USP24: variants seen among roughly 807,000 people sequenced by gnomAD.
USP24 encodes ubiquitin specific peptidase 24, also known as ubiquitin carboxyl-terminal hydrolase 24.
USP24 carries 97 observed loss-of-function variants against 361.6 expected under a neutral mutation model. The ratio of observed to expected loss-of-function variants is 0.27; its 90% CI spans 0.23 to 0.32. USP24 has a LOEUF of 0.32. Among genes scored for constraint, USP24 ranks in the 10% least tolerant of loss-of-function variants. The pLI is 1.00. For synonymous variants in USP24, 1,098 were observed against 1,124.6 expected, an observed-to-expected ratio of 0.98 and a Z score of 0.47; for missense variants, 2,353 against 3,165.6, an observed-to-expected ratio of 0.74 and a Z score of 6.16.
chr1:55,184,111 C>A (rs1439250618), intron 1 of USP24, among the ~76,000 whole-genome samples: 1 of 152,148 alleles, frequency 6.6e-6, no homozygotes, highest in African/African-American at 2.4e-5. Context: ...GGCTGGAGTG[C>A]AGTGGCGTAA....
intron 45 of USP24, 49 bp from the exon 46 acceptor site, chr1:55,098,607 G>T: frequency 7.6e-7 from 1 of 1,321,426 alleles, no homozygotes; most frequent in Non-Finnish European, 1.1e-6. Context: ...CTGAACTTAT[G>T]AGTATACAGA....
At chr1:55,196,585 A>G (rs1243489370) in intron 1 of USP24, among the ~76,000 whole-genome samples, 1 of 152,178 alleles carries the variant, frequency 6.6e-6, no homozygotes, top group East Asian at 1.9e-4. Context: ...TCTAAGTTGA[A>G]GAGTCACATT....
intron 40 of USP24, among the ~76,000 whole-genome samples, chr1:55,106,775 T>C (rs1645785394): frequency 6.6e-6 from 1 of 152,208 alleles, no homozygotes; most frequent in African/African-American, 2.4e-5. Context: ...TTTTCATTTG[T>C]CTTCTGAATA....
chr1:55,175,003 A>G (rs1392932471), intron 3 of USP24, among the ~76,000 whole-genome samples: 1 of 152,170 alleles, frequency 6.6e-6, no homozygotes, highest in Non-Finnish European at 1.5e-5. Context: ...CTGATGGATG[A>G]GCTAATCTAA....
intron 47 of USP24, 112 bp downstream of exon 47, chr1:55,097,831 C>T: frequency 6.6e-7 from 1 of 1,508,810 alleles, no homozygotes; most frequent in Non-Finnish European, 8.9e-7. Flanking sequence ...CAAGTAATGA[C>T]ACAATCTAAT....
At chr1:55,212,495 C>T (rs1429115825) in intron 1 of USP24, among the ~76,000 whole-genome samples, 1 of 152,132 alleles carries the variant, frequency 6.6e-6, no homozygotes, top group Non-Finnish European at 1.5e-5. Context: ...AACTGTATAA[C>T]GCACCTAAGA....
intron 20 of USP24, among the ~76,000 whole-genome samples, chr1:55,144,446 G>A (rs1646974671): frequency 6.6e-6 from 1 of 152,138 alleles, no homozygotes; most frequent in Admixed American, 6.5e-5. Flanking sequence ...GAAAATACTT[G>A]CAAATCAACT....
chr1:55,093,034 A>G, intron 52 of USP24, 118 bp from the exon 53 acceptor site: 1 of 616,862 alleles, frequency 1.6e-6, no homozygotes, highest in Non-Finnish European at 2.6e-6. Flanking sequence ...GTGAATTATA[A>G]TTTATAATTC....
intron 32 of USP24, among the ~76,000 whole-genome samples, chr1:55,128,946 T>C (rs1646516389): frequency 6.6e-6 from 1 of 152,008 alleles, no homozygotes; most frequent in Non-Finnish European, 1.5e-5. Context: ...TCTCAAACTC[T>C]TGGGCTCAAG....
At chr1:55,140,302 C>T (rs758588970) in intron 24 of USP24, among the ~76,000 whole-genome samples, 14 of 151,962 alleles carry the variant, frequency 9.2e-5, no homozygotes, top group Non-Finnish European at 1.5e-4. Flanking sequence ...TACTTACATT[C>T]GAATTTATCA....
chr1:55,073,940 A>G (rs1245595620), intron 63 of USP24, 34 bp from the exon 64 acceptor site: 1 of 1,528,846 alleles, frequency 6.5e-7, no homozygotes, highest in Non-Finnish European at 8.9e-7. Flanking sequence ...TTAACAATAA[A>G]AGACTCAACT....
chr1:55,209,976 C>T (rs1052367999), intron 1 of USP24, among the ~76,000 whole-genome samples: 10 of 152,000 alleles, frequency 6.6e-5, no homozygotes, highest in Non-Finnish European at 8.8e-5. Flanking sequence ...ATGTTGAAAC[C>T]TTTTCCTCAA....
Position 55,124,524 on chromosome 1 carries a change from A to C in USP24, c.4065T>G (p.Ile1355Met). Residue 1355 changes from isoleucine (I) to methionine (M), a missense_variant, in exon 35 of 68, where the codon ATT becomes ATG. Ile to Met is a conservative substitution (Grantham distance 10). Transcript: ENST00000294383. ...CAGGACACAGGGAATTACTTTCTTT[A>C]ATTGGCTGGCTACTCCCAACAAGAT... is the stretch of plus-strand genomic sequence containing the variant. ...RLDLVGSSQP[I>M]KESNSLCPAG... 1 of 1,613,654 alleles carries C rather than the reference A, an allele frequency of 6.2e-7. No individual in the cohort carries two copies. The highest frequency in any genetic ancestry group is 1.1e-5 in the South Asian group (1 of 90,954).
intron 11 of USP24, 39 bp from the exon 12 acceptor site, chr1:55,157,090 G>T: frequency 6.7e-7 from 1 of 1,501,410 alleles, no homozygotes; most frequent in South Asian, 1.1e-5. Context: ...CAGATATAGT[G>T]AACACTGACT....
chr1:55,174,296 T>C (rs959709976), intron 3 of USP24, among the ~76,000 whole-genome samples: 2 of 152,076 alleles, frequency 1.3e-5, no homozygotes, highest in African/African-American at 4.8e-5. Context: ...AGGTAAGTAG[T>C]ACCAATTATA....
intron 67 of USP24, 59 bp from the exon 68 acceptor site, chr1:55,069,166 G>A: frequency 6.4e-7 from 1 of 1,569,050 alleles, no homozygotes; most frequent in Non-Finnish European, 8.8e-7. Context: ...TTTCTATGCT[G>A]ACTTGTGTTC....
chr1:55,158,569 A>G (rs1247011532), intron 10 of USP24, among the ~76,000 whole-genome samples: 1 of 152,224 alleles, frequency 6.6e-6, no homozygotes, highest in Non-Finnish European at 1.5e-5. Context: ...TACACCTGAA[A>G]TAAAACAAAA....
At chr1:55,183,018 C>CA (rs951273835) in intron 1 of USP24, among the ~76,000 whole-genome samples, 1 of 151,858 alleles carries the variant, frequency 6.6e-6, no homozygotes, top group Admixed American at 6.6e-5. Flanking sequence ...CGTGCCTGGC[C>CA]AAAAAACAGT....
chr1:55,184,803 A>C (rs1420903393), intron 1 of USP24, among the ~76,000 whole-genome samples: 1 of 152,250 alleles, frequency 6.6e-6, no homozygotes, highest in Non-Finnish European at 1.5e-5. Context: ...TGTGAAAATT[A>C]AACAACACAT....
Sources: allele counts gnomAD v4.1 joint callset (sites outside exome capture counted in the v4.1 genomes callset), GRCh38; gene constraint gnomAD v4.1.1; transcripts MANE v1.5; gene names NCBI Gene and HGNC (gene_info 2026-07-23, HGNC 2026-07-21).